Variants in FOXO1 observed in about 807,000 individuals in gnomAD.
FOXO1 encodes forkhead box O1, also known as forkhead box protein O1.
In FOXO1, 6 loss-of-function variants were observed where a neutral mutation model predicts 44.1. The observed-to-expected ratio is 0.14, with a 90% CI of 0.07 to 0.27. The LOEUF (loss-of-function observed/expected upper bound fraction) is 0.27. Among genes scored for constraint, FOXO1 ranks in the 10% least tolerant of loss-of-function variants. The pLI is 1.00. For missense variants in FOXO1, 737 were observed against 888.8 expected (o/e 0.83, Z 2.17); for synonymous variants, 380 against 362.7 (o/e 1.05, Z -0.54).
chr13:40,639,402 G>A (rs556751439), intron 1 of FOXO1, among the ~76,000 whole-genome samples: 3 of 152,294 alleles, frequency 2.0e-5, no homozygotes, highest in Admixed American at 6.5e-5. Context: ...AGCCCTACAC[G>A]TCATTCTTCT....
chr13:40,563,668 G>A (rs980037947), intron 1 of FOXO1, among the ~76,000 whole-genome samples: 18 of 152,022 alleles, frequency 1.2e-4, no homozygotes, highest in African/African-American at 3.4e-4. Context: ...GCTTAGAGTA[G>A]GTACAAGAAT....
chr13:40,560,073 T>C lies in FOXO1; in HGVS notation c.1418A>G (p.His473Arg), dbSNP rs1261241539. The C allele has an allele frequency of 1.9e-6, 3 of 1,614,170 alleles. No homozygotes were observed. Among genetic ancestry groups the C allele is most frequent in the Non-Finnish European group, 2.5e-6 (3 of 1,180,026 alleles). ...KELLTSDSPP[H>R]NDIMTPVDPG... ...ATCAACTGGTGTCATAATGTCATTA[T>C]GGGGAGGAGAGTCAGAAGTCAGCAA... The change falls in exon 2 of 3, where the codon CAT becomes CGT. Residue 473 changes from histidine to arginine, a missense_variant. By Grantham distance (29) the His-to-Arg change is conservative. Coordinates refer to ENST00000379561, the MANE Select transcript of FOXO1 (RefSeq NM_002015.4). The surrounding 1 kb of genome is among the most constrained non-coding windows in gnomAD (Gnocchi z 5.1).
At chr13:40,622,232 TA>T (rs1050998224) in intron 1 of FOXO1, among the ~76,000 whole-genome samples, 2 of 152,266 alleles carry the variant, frequency 1.3e-5, no homozygotes, top group South Asian at 2.1e-4. Context: ...TGTTAAAATC[TA>T]AAAAAAGTCT....
At chr13:40,628,106 G>C (rs1876844753) in intron 1 of FOXO1, among the ~76,000 whole-genome samples, 1 of 151,938 alleles carries the variant, frequency 6.6e-6, no homozygotes, top group African/African-American at 2.4e-5. Flanking sequence ...TCAAAAACTG[G>C]TGAATCTGGG....
chr13:40,648,746 A>C (rs1256982259), intron 1 of FOXO1, among the ~76,000 whole-genome samples: 1 of 152,178 alleles, frequency 6.6e-6, no homozygotes, highest in Non-Finnish European at 1.5e-5. Flanking sequence ...CCCATATCTG[A>C]CCAGCCCAAA....
At chr13:40,598,177 A>G (rs1266821137) in intron 1 of FOXO1, among the ~76,000 whole-genome samples, 2 of 152,136 alleles carry the variant, frequency 1.3e-5, no homozygotes, top group Non-Finnish European at 2.9e-5. Context: ...ATGGAAATCT[A>G]CTCATGGTTA....
At chr13:40,579,119 G>GT in intron 1 of FOXO1, among the ~76,000 whole-genome samples, 1 of 152,202 alleles carries the variant, frequency 6.6e-6, no homozygotes, top group Non-Finnish European at 1.5e-5. Flanking sequence ...ATTGTAATGG[G>GT]TATAAGTGCT....
At chr13:40,618,878 G>T in intron 1 of FOXO1, 2 of 525,822 alleles carry the variant, frequency 3.8e-6, no homozygotes, top group Admixed American at 1.9e-5. Flanking sequence ...GAAGATTATC[G>T]GCTTATGAGA....
At chr13:40,639,412 T>C (rs907811267) in intron 1 of FOXO1, among the ~76,000 whole-genome samples, 2 of 152,256 alleles carry the variant, frequency 1.3e-5, no homozygotes, top group South Asian at 2.1e-4. Flanking sequence ...GTCATTCTTC[T>C]AGTTTTAGGT....
At position 40,614,378 on chromosome 13, in the gene FOXO1, G is replaced by C. The variant is rs553861762; in HGVS notation, c.630+51205C>G. Among the ~76,000 whole-genome samples the C allele has an allele frequency of 5.9e-5, 9 of 152,306 alleles. 1 individual carries two copies. The highest frequency in any genetic ancestry group is 2.2e-4 in the African/African-American group (9 of 41,562). On this transcript the variant is annotated intron_variant, in intron 1 of 2. Coordinates refer to ENST00000379561, the MANE Select transcript of FOXO1 (RefSeq NM_002015.4). The stretch of plus-strand genomic sequence containing the variant: ...GGACCTCTTTTCAAAGTGTGATTCT[G>C]CAACACAATGGCACCATATTTAATT...
At chr13:40,610,355 A>C (rs1876186912) in intron 1 of FOXO1, among the ~76,000 whole-genome samples, 1 of 152,214 alleles carries the variant, frequency 6.6e-6, no homozygotes, top group Non-Finnish European at 1.5e-5. Flanking sequence ...TTGTACAACA[A>C]GGGGGTGTTT....
chr13:40,602,150 T>C (rs1023208198), intron 1 of FOXO1, among the ~76,000 whole-genome samples: 1 of 152,202 alleles, frequency 6.6e-6, no homozygotes, highest in Non-Finnish European at 1.5e-5. Context: ...AAGTAGCCAA[T>C]CTATGCCTTA....
At chr13:40,658,158 T>G (rs1877916050) in intron 1 of FOXO1, among the ~76,000 whole-genome samples, 1 of 152,206 alleles carries the variant, frequency 6.6e-6, no homozygotes, top group Non-Finnish European at 1.5e-5. Context: ...TGAACTGACT[T>G]GAACCTTGCA....
At chr13:40,626,879 C>A (rs1487741948) in intron 1 of FOXO1, among the ~76,000 whole-genome samples, 1 of 152,218 alleles carries the variant, frequency 6.6e-6, no homozygotes, top group Non-Finnish European at 1.5e-5. Flanking sequence ...CCTACATGCA[C>A]TGAATTTCAG....
At chr13:40,561,797 C>T (rs1245618602) in intron 1 of FOXO1, among the ~76,000 whole-genome samples, 1 of 151,946 alleles carries the variant, frequency 6.6e-6, no homozygotes, top group African/African-American at 2.4e-5. Context: ...GGTGAAACCC[C>T]ATCTCTACTA....
intron 1 of FOXO1, among the ~76,000 whole-genome samples, chr13:40,665,097 C>G (rs2137949328): frequency 6.6e-6 from 1 of 151,778 alleles, no homozygotes; most frequent in Middle Eastern, 3.5e-3. Context: ...ACCTGCAGCC[C>G]GGTCCCGGGG....
intron 1 of FOXO1, chr13:40,618,967 A>G (rs897210800): frequency 3.1e-5 from 16 of 523,804 alleles, no homozygotes; most frequent in Non-Finnish European, 6.1e-5. Context: ...TCAACAAACA[A>G]CTAGCATCTC....
At chr13:40,642,803 G>A (rs142585431) in intron 1 of FOXO1, among the ~76,000 whole-genome samples, 68 of 152,150 alleles carry the variant, frequency 4.5e-4, no homozygotes, top group African/African-American at 1.3e-3. Flanking sequence ...ACCTGTGTCC[G>A]AGCTACTTCA....
chr13:40,646,551 C>T (rs1479507318), intron 1 of FOXO1, among the ~76,000 whole-genome samples: 1 of 152,090 alleles, frequency 6.6e-6, no homozygotes, highest in Non-Finnish European at 1.5e-5. Flanking sequence ...CCCTCCGCTT[C>T]ATCGAATTTT....
Sources: gnomAD v4.1 joint callset for allele counts (sites outside exome capture counted in the v4.1 genomes callset) on GRCh38, gnomAD v4.1.1 for gene constraint, Gnocchi (gnomAD v3.1) non-coding constraint, MANE v1.5 for transcripts, NCBI Gene and HGNC (gene_info 2026-07-23, HGNC 2026-07-21) for gene names.